Variants in LRP1 observed in about 807,000 individuals in gnomAD.
The protein encoded by LRP1 is LDL receptor related protein 1.
Under a neutral mutation model 541.5 loss-of-function variants are expected in LRP1, and 51 were observed. The ratio of observed to expected loss-of-function variants is 0.09; its 90% CI spans 0.08 to 0.12. The LOEUF is 0.12. LRP1 is among the 10% of genes least tolerant of loss of function. The pLI, the probability that LRP1 is intolerant of heterozygous loss-of-function variation, is 1.00. For missense variants in LRP1, 3,878 were observed against 6,376.2 expected, an observed-to-expected ratio of 0.61 and a Z score of 13.34; for synonymous variants, 2,219 against 2,470.8, an observed-to-expected ratio of 0.90 and a Z score of 3.02.
chr12:57,148,862 G>A (rs1284377692), intron 6 of LRP1: 4 of 480,816 alleles, frequency 8.3e-6, no homozygotes, highest in Admixed American at 4.0e-5. Flanking sequence ...GGTGGCTGGG[G>A]AGCTCAGCAA....
chr12:57,155,846 G>A (rs1352342542), intron 8 of LRP1, among the ~76,000 whole-genome samples: 3 of 152,192 alleles, frequency 2.0e-5, no homozygotes, highest in Admixed American at 6.5e-5. Flanking sequence ...AACTACTCAG[G>A]AGGCTGAAGC....
rs937507769 is a variant in LRP1 at position 57,166,795 on chromosome 12, G to A, written c.2798-135G>A. ...AGCATCCAGTGAGACCAGAGAGATG[G>A]TTTTGAATTCTCTAAGAGAAATGGT... On this transcript the variant is annotated intron_variant, in intron 17 of 88. Coordinates refer to ENST00000243077, the MANE Select transcript of LRP1 (RefSeq NM_002332.3). 7.6e-6 allele frequency: 5 copies of A among 656,142 alleles called. No individual in the cohort carries two copies. In the East Asian group the frequency reaches 1.3e-4, roughly 17 times the overall value. The allele number at this position is 656,142 out of a possible 1,614,324, so 40.6% of individuals were successfully genotyped here.
Position 57,204,737 on chromosome 12 carries a change from G to A in LRP1, c.11182G>A (p.Glu3728Lys). ...GGACAACTGTGGGGATGGGACTGAT[G>A]AAGAGGACTGTGGTGAGCAGGGGGC... ...GTDNCGDGTDEEDCEPPTAHT... is the reference protein window; with the variant it reads ...GTDNCGDGTDKEDCEPPTAHT... Residue 3728 changes from glutamate to lysine, a missense_variant, in exon 72 of 89, where the codon GAA (glutamate) becomes AAA (lysine). Coordinates refer to ENST00000243077, the MANE Select transcript of LRP1 (RefSeq NM_002332.3). The surrounding 1 kb of genome is among the most constrained non-coding windows in gnomAD (Gnocchi z 5.3). 1 of 1,614,038 alleles carries A rather than the reference G, an allele frequency of 6.2e-7. No homozygotes were observed.
intron 82 of LRP1, 27 bp downstream of exon 82, chr12:57,210,507 G>T (rs768496985): frequency 1.3e-6 from 2 of 1,517,922 alleles, no homozygotes; most frequent in South Asian, 1.3e-5. Flanking sequence ...CGCCACGCCT[G>T]CTCCTTGCCC....
At position 57,209,611 on chromosome 12, in the gene LRP1, C is replaced by T. The variant is rs1185738831; in HGVS notation, c.12263-81C>T. On this transcript the variant is annotated intron_variant, in intron 79 of 88. Transcript: ENST00000243077. ...GTGTTGAGTTTGAGGTGTCTGGGAA[C>T]CACAGGTGCCAGTGTCGTGGACAGC... 3 of 1,231,458 alleles carry T rather than the reference C, an allele frequency of 2.4e-6. No homozygotes were observed. The East Asian group carries it at 7.0e-5, about 29-fold the overall frequency. The allele number at this position is 1,231,458 out of a possible 1,614,324, so 76.3% of individuals were successfully genotyped here. A position where few individuals can be genotyped will look rare whatever the true frequency, so the allele number is the denominator to read the frequency against.
chr12:57,202,323 G>A, intron 67 of LRP1, 98 bp from the exon 68 acceptor site: 1 of 946,734 alleles, frequency 1.1e-6, no homozygotes, highest in Non-Finnish European at 1.7e-6. Context: ...AAGCTGGGAT[G>A]CCCACCCTCC....
intron 12 of LRP1, 60 bp downstream of exon 12, chr12:57,160,065 G>C: frequency 6.4e-7 from 1 of 1,557,316 alleles, no homozygotes; most frequent in Non-Finnish European, 8.8e-7. Context: ...TCAGATAACT[G>C]GAGGATGAAA....
rs1252448246 is a variant in LRP1, at chr12:57,190,882, C to T, written c.7109C>T (p.Thr2370Ile). The T allele has an allele frequency of 6.2e-7, 1 of 1,613,982 alleles. No individual in the cohort carries two copies. The highest frequency in any genetic ancestry group is 1.3e-5 in the African/African-American group (1 of 75,048). ...RAALSGANVL[T>I]LIEKDIRTPN... The stretch of plus-strand genomic sequence containing the variant: ...GCGCTCTCGGGAGCCAATGTCCTGA[C>T]CCTTATCGAGAAGGACATCCGTACC... The change falls in exon 43 of 89, where the codon ACC (threonine) becomes ATC (isoleucine). Residue 2370 changes from threonine (T) to isoleucine (I), a missense_variant. Transcript: ENST00000243077.
chr12:57,169,171 C>T lies in LRP1; in HGVS notation c.3027C>T (p.Ala1009=), dbSNP rs148649571. ...ACTGTGGGGACAACAGTGACGAAGC[C>T]GGCTGCAGCCACTCCTGTTCTAGCA... ...DNDCGDNSDE[A]GCSHSCSSTQ... Residue 1009 remains alanine (A), a synonymous_variant, in exon 20 of 89, where the codon GCC becomes GCT. Coordinates refer to ENST00000243077, the MANE Select transcript of LRP1 (RefSeq NM_002332.3). 1.4e-4 allele frequency: 232 copies of T among 1,612,254 alleles called. No individual in the cohort carries two copies. Among genetic ancestry groups the T allele is most frequent in the Admixed American group, 3.0e-4 (18 of 59,980 alleles).
At position 57,206,763 on chromosome 12, in the gene LRP1, G is replaced by T; in HGVS notation, c.11859+22G>T. On this transcript the variant is annotated intron_variant, in intron 76 of 88. Transcript: ENST00000243077. The surrounding 1 kb of genome is among the most constrained non-coding windows in gnomAD (Gnocchi z 4.7). ...CAACGTGAGTGCCCAACCTGGCGTG[G>T]ATGGAGTGGAAGAGCTCCATAGAGC... 6.2e-7 allele frequency: 1 copy of T among 1,606,770 alleles called. No homozygotes were observed. Among genetic ancestry groups the T allele is most frequent in the South Asian group, 1.1e-5 (1 of 91,022 alleles).
chr12:57,147,976 C>T (rs1261597853), intron 6 of LRP1, among the ~76,000 whole-genome samples: 3 of 152,170 alleles, frequency 2.0e-5, no homozygotes, highest in African/African-American at 7.2e-5. Flanking sequence ...TCCCCTCTGC[C>T]GCTGGCCCAG....
chr12:57,211,663 GCCTCAGTGCCCAC>G lies in LRP1; in HGVS notation c.13193+78_13194-72del. 1 of 1,583,920 alleles carries G rather than the reference GCCTCAGTGCCCAC, an allele frequency of 6.3e-7. No individual in the cohort carries two copies. The highest frequency in any genetic ancestry group is 8.7e-7 in the Non-Finnish European group (1 of 1,154,104). On this transcript the variant is annotated intron_variant, in intron 85 of 88. Transcript: ENST00000243077. The surrounding 1 kb of genome is among the most constrained non-coding windows in gnomAD (Gnocchi z 4.3). ...CAGATTTGAGCAGGAGGACCGTCAG[GCCTCAGTGCCCAC>G]CCCCCGCCCTGTTTTCCTGGCAGCA...
chr12:57,134,240 C>T (rs964652951), intron 1 of LRP1, among the ~76,000 whole-genome samples: 3 of 152,100 alleles, frequency 2.0e-5, no homozygotes, highest in African/African-American at 4.8e-5. Flanking sequence ...CCTCCAAACT[C>T]GCTCTCTCTC....
In LRP1 at chr12:57,162,461, C is replaced by T. The variant is rs767268647; in HGVS notation, c.2347C>T (p.Arg783Cys). The change falls in exon 14 of 89, where the codon CGC becomes TGC. Residue 783 changes from arginine to cysteine, a missense_variant. Transcript: ENST00000243077. This position sits in a 1 kb window ranked among gnomAD's most constrained non-coding sequence, Gnocchi z 5.2. ...CGCACCCCCCACTGTGACCCTTCTGCGCAGTGAGCGGCCCCCCATCTTTGA... is the reference window on the plus strand; with the variant it reads ...CGCACCCCCCACTGTGACCCTTCTGTGCAGTGAGCGGCCCCCCATCTTTGA... The part of the protein sequence containing the change: ...GGAPPTVTLL[R>C]SERPPIFEIR... The T allele has an allele frequency of 8.1e-6, 13 of 1,614,040 alleles. No individual in the cohort carries two copies. The highest frequency in any genetic ancestry group is 2.2e-5 in the East Asian group (1 of 44,886).
In LRP1 at chr12:57,141,520, T is replaced by G; in HGVS notation, c.328+9T>G. 1.9e-6 allele frequency: 3 copies of G among 1,614,108 alleles called. No homozygotes were observed. The highest frequency in any genetic ancestry group is 2.5e-6 in the Non-Finnish European group (3 of 1,179,982). On this transcript the variant is annotated intron_variant, in intron 3 of 88. Coordinates refer to ENST00000243077, the MANE Select transcript of LRP1 (RefSeq NM_002332.3). The stretch of plus-strand genomic sequence containing the variant: ...GGGGCCCCACTGCCGAGGTAAGGAC[T>G]TTTCCACTCTCTACTCTCCCGTCTG...
Position 57,144,626 on chromosome 12 carries a change from T to C in LRP1, c.449-346T>C, listed in dbSNP as rs993775129. On this transcript the variant is annotated intron_variant, in intron 4 of 88. Coordinates refer to ENST00000243077, the MANE Select transcript of LRP1 (RefSeq NM_002332.3). Reference sequence around the variant, plus strand: ...ATTTACTTTGTTTCATATGTTATTATAGTAACTATATTTCATTTATTATCT... The same window carrying C: ...ATTTACTTTGTTTCATATGTTATTACAGTAACTATATTTCATTTATTATCT... 2.9e-5 allele frequency: 8 copies of C among 273,002 alleles called. No individual in the cohort carries two copies. The East Asian group carries it at 6.1e-4, about 21-fold the overall frequency. 16.9% of individuals were successfully genotyped at this position (273,002 alleles called of 1,614,324 possible).
Position 57,201,966 on chromosome 12 carries a change from C to A in LRP1, c.10594+61C>A, listed in dbSNP as rs1245284071. On this transcript the variant is annotated intron_variant, in intron 67 of 88. Coordinates refer to ENST00000243077, the MANE Select transcript of LRP1 (RefSeq NM_002332.3). The surrounding 1 kb of genome is among the most constrained non-coding windows in gnomAD (Gnocchi z 6.4). ...TACCTGGGTGGGAGGCATGGCACCCCTGGCAGGTGGAGGGCTGGGGGCCGC... is the reference window on the plus strand; with the variant it reads ...TACCTGGGTGGGAGGCATGGCACCCATGGCAGGTGGAGGGCTGGGGGCCGC... 1 of 1,599,742 alleles carries A rather than the reference C, an allele frequency of 6.3e-7. No homozygotes were observed. The highest frequency in any genetic ancestry group is 1.3e-5 in the African/African-American group (1 of 74,816).
intron 34 of LRP1, 57 bp downstream of exon 34, chr12:57,181,348 T>C: frequency 6.4e-7 from 1 of 1,559,936 alleles, no homozygotes; most frequent in East Asian, 2.2e-5. Flanking sequence ...TGACCCCTCC[T>C]ACCCTACAGC....
intron 3 of LRP1, among the ~76,000 whole-genome samples, chr12:57,142,703 C>G (rs970493417): frequency 2.0e-5 from 3 of 152,152 alleles, no homozygotes; most frequent in African/African-American, 7.2e-5. Context: ...CTCCTCATTC[C>G]CTCACCCTAT....
Sources: allele counts gnomAD v4.1 joint callset (sites outside exome capture counted in the v4.1 genomes callset), GRCh38; gene constraint gnomAD v4.1.1; non-coding constraint Gnocchi (gnomAD v3.1); transcripts MANE v1.5; gene names NCBI Gene and HGNC (gene_info 2026-07-23, HGNC 2026-07-21).